The following HMCN1 variants were observed in gnomAD, a reference collection of about 807,000 sequenced individuals.
HMCN1 encodes the protein hemicentin 1.
A neutral mutation model predicts 625.9 loss-of-function variants in HMCN1; 321 were observed. The ratio of observed to expected loss-of-function variants is 0.51; its 90% confidence interval spans 0.47 to 0.56. The LOEUF (loss-of-function observed/expected upper bound fraction) is 0.56, where lower values mean the gene tolerates loss of function less well. Among genes scored for constraint, HMCN1 ranks in the 20% least tolerant of loss-of-function variants. HMCN1 has a pLI of 0.00. For synonymous variants in HMCN1, 2,425 were observed against 2,417.6 expected, an observed-to-expected ratio of 1.00 and a Z score of -0.09; for missense variants, 6,588 against 6,887.3, an observed-to-expected ratio of 0.96 and a Z score of 1.54.
chr1:186,135,864 A>G (rs748817503), intron 86 of HMCN1, among the ~76,000 whole-genome samples: 65 of 152,326 alleles, frequency 4.3e-4, no homozygotes, highest in Non-Finnish European at 8.7e-4. Context: ...TAGGTATGCT[A>G]TAGCACAAGT....
At chr1:185,945,607 G>A (rs1224071128) in intron 11 of HMCN1, among the ~76,000 whole-genome samples, 1 of 152,214 alleles carries the variant, frequency 6.6e-6, no homozygotes, top group Admixed American at 6.5e-5. Context: ...CTGTCTCAGA[G>A]TGATGAGTAG....
intron 97 of HMCN1, among the ~76,000 whole-genome samples, chr1:186,158,073 C>G (rs1447776331): frequency 1.4e-5 from 2 of 147,328 alleles, no homozygotes; most frequent in Non-Finnish European, 3.0e-5. Context: ...TAAAAGTGTT[C>G]CTATTTCTCC....
chr1:185,992,527 T>C (rs902737530), intron 22 of HMCN1, among the ~76,000 whole-genome samples: 1 of 152,196 alleles, frequency 6.6e-6, no homozygotes, highest in African/African-American at 2.4e-5. Context: ...TCCTTACTTT[T>C]TGTAATATCA....
At chr1:185,847,132 G>GA (rs534070209) in intron 2 of HMCN1, among the ~76,000 whole-genome samples, 1 of 149,728 alleles carries the variant, frequency 6.7e-6, no homozygotes, top group East Asian at 2.0e-4. Flanking sequence ...CTAGCTTAGA[G>GA]TTTTTTTTTT....
intron 30 of HMCN1, among the ~76,000 whole-genome samples, chr1:186,008,528 T>A (rs1391303832): frequency 6.6e-6 from 1 of 152,170 alleles, no homozygotes; most frequent in Non-Finnish European, 1.5e-5. Context: ...ATTACATATG[T>A]GAGTTTGCAT....
chr1:185,940,482 T>C (rs1004068783), intron 11 of HMCN1, among the ~76,000 whole-genome samples: 2 of 152,222 alleles, frequency 1.3e-5, no homozygotes, highest in African/African-American at 4.8e-5. Context: ...TAATTCTGGT[T>C]ACTAATGAGC....
chr1:186,136,357 C>A (rs112955185), intron 86 of HMCN1, among the ~76,000 whole-genome samples: 2 of 152,214 alleles, frequency 1.3e-5, no homozygotes, highest in African/African-American at 4.8e-5. Context: ...GAAGTAGGCA[C>A]CATTTTTAAG....
chr1:186,052,519 T>C (rs911809869), intron 42 of HMCN1, among the ~76,000 whole-genome samples: 1 of 152,204 alleles, frequency 6.6e-6, no homozygotes, highest in East Asian at 1.9e-4. Context: ...CTTTAGTATA[T>C]GTTGTATGCC....
Position 186,062,679 on chromosome 1 carries a change from T to G in HMCN1, c.7513+79T>G, listed in dbSNP as rs1038644261. The G allele has an allele frequency of 3.0e-5, 28 of 919,264 alleles. No individual in the cohort carries two copies. In the African/African-American group the frequency reaches 3.3e-4, roughly 11 times the overall value. 56.9% of individuals were successfully genotyped at this position (919,264 alleles called of 1,614,324 possible). On this transcript the variant is annotated intron_variant, in intron 48 of 106. Transcript: ENST00000271588. ...TGCCTCCACTATATATCTTAAAAAT[T>G]TTTTATATATTTAGGGGGTACAAGT...
At chr1:185,940,367 A>T (rs1459259113) in intron 11 of HMCN1, among the ~76,000 whole-genome samples, 2 of 135,694 alleles carry the variant, frequency 1.5e-5, no homozygotes, top group African/African-American at 2.5e-5. Flanking sequence ...TTCACTTATT[A>T]AAAAAAAACT....
At chr1:186,103,768 C>T in intron 69 of HMCN1, 100 bp downstream of exon 69, 1 of 980,530 alleles carries the variant, frequency 1.0e-6, no homozygotes. Flanking sequence ...CCTTATATAT[C>T]ACAGATCTGT....
Position 185,912,530 on chromosome 1 carries a change from G to C in HMCN1, c.900+750G>C, listed in dbSNP as rs547689258. 2.0e-5 allele frequency among the ~76,000 whole-genome samples: 3 copies of C among 152,196 alleles called. No individual in the cohort carries two copies. In the South Asian group the frequency reaches 6.2e-4, roughly 32 times the overall value. On this transcript the variant is annotated intron_variant, in intron 6 of 106. Transcript: ENST00000271588. ...GATCTAGTTCTGCTGCAGATTTTGT[G>C]TGTGTCCCACTGTGGCAGATGCCCT... is the stretch of plus-strand genomic sequence containing the variant.
At chr1:186,101,564 T>C (rs887788762) in intron 68 of HMCN1, among the ~76,000 whole-genome samples, 17 of 152,124 alleles carry the variant, frequency 1.1e-4, no homozygotes, top group Admixed American at 2.0e-4. Flanking sequence ...AGACAACTCT[T>C]ACTCTGCCCG....
chr1:185,816,756 T>C (rs1659868916), intron 1 of HMCN1, among the ~76,000 whole-genome samples: 1 of 152,192 alleles, frequency 6.6e-6, no homozygotes, highest in Admixed American at 6.5e-5. Flanking sequence ...GAGAAGTGCC[T>C]GGAATTGTAT....
chr1:185,970,522 TG>T, intron 15 of HMCN1, 29 bp downstream of exon 15: 2 of 1,578,840 alleles, frequency 1.3e-6, no homozygotes, highest in South Asian at 2.2e-5. Context: ...TAGGCCAATT[TG>T]TTTAGAAATT....
At chr1:186,110,062 G>A (rs1660804417) in intron 71 of HMCN1, among the ~76,000 whole-genome samples, 1 of 152,114 alleles carries the variant, frequency 6.6e-6, no homozygotes, top group Admixed American at 6.6e-5. Context: ...AAAAAGATGA[G>A]TTCAGGTTTA....
At chr1:185,764,248 G>T (rs1376237426) in intron 1 of HMCN1, among the ~76,000 whole-genome samples, 1 of 152,286 alleles carries the variant, frequency 6.6e-6, no homozygotes, top group Non-Finnish European at 1.5e-5. Context: ...GGAGAAAAAA[G>T]ATGTGCATGT....
At chr1:185,979,276 TAGGC>T (rs1651450122) in intron 16 of HMCN1, among the ~76,000 whole-genome samples, 1 of 151,928 alleles carries the variant, frequency 6.6e-6, no homozygotes, top group Non-Finnish European at 1.5e-5. Flanking sequence ...CCAAGTTTGA[TAGGC>T]AGGAAAAGGT....
chr1:186,165,418 G>A (rs1013563864), intron 98 of HMCN1, among the ~76,000 whole-genome samples: 10 of 152,174 alleles, frequency 6.6e-5, no homozygotes, highest in African/African-American at 2.4e-4. Flanking sequence ...TCTGAATTTG[G>A]CCACAGCCAA....
Sources: gnomAD v4.1 joint callset for allele counts (sites outside exome capture counted in the v4.1 genomes callset) on GRCh38, gnomAD v4.1.1 for gene constraint, MANE v1.5 for transcripts, NCBI Gene and HGNC (gene_info 2026-07-23, HGNC 2026-07-21) for gene names.